TMEM154: variants seen among roughly 807,000 people sequenced by gnomAD.
TMEM154 encodes transmembrane protein 154.
TMEM154 carries 27 observed loss-of-function variants against 24.5 expected under a neutral mutation model. The observed-to-expected ratio is 1.10, with a 90% confidence interval of 0.81 to 1.52. TMEM154 has a LOEUF of 1.52. Among genes scored for constraint, TMEM154 ranks in the 40% most tolerant of loss-of-function variants. The probability of loss-of-function intolerance (pLI) is 0.00; values close to 1 mark genes in which losing one functional copy is unlikely to be tolerated. For missense variants in TMEM154, 228 were observed against 213.4 expected, an observed-to-expected ratio of 1.07 and a Z score of -0.43; for synonymous variants, 67 against 76.8, an observed-to-expected ratio of 0.87 and a Z score of 0.67.
At chr4:152,645,314 T>C (rs538040562) in intron 3 of TMEM154, among the ~76,000 whole-genome samples, 2 of 152,354 alleles carry the variant, frequency 1.3e-5, no homozygotes, top group South Asian at 4.1e-4. Flanking sequence ...GTTCAATTCA[T>C]GTCCAATATT....
At chr4:152,654,952 C>A (rs1728461400) in intron 1 of TMEM154, among the ~76,000 whole-genome samples, 1 of 151,984 alleles carries the variant, frequency 6.6e-6, no homozygotes, top group Non-Finnish European at 1.5e-5. Flanking sequence ...AAATGCAACC[C>A]CAAACCATCA....
chr4:152,662,702 A>G (rs1728636466), intron 1 of TMEM154, among the ~76,000 whole-genome samples: 1 of 152,198 alleles, frequency 6.6e-6, no homozygotes. Flanking sequence ...CACTGTGTTT[A>G]AAGAAACACT....
In TMEM154 at chr4:152,628,565, T is replaced by TAAAAAAA. The variant is rs747613909; in HGVS notation, c.537-11_537-5dup. Reference sequence around the variant, plus strand: ...TCAGGTTTAGGATTCACTGTCACTGTAAAAAAAAAAAAAAAAAAAAAAAAA... The same window carrying TAAAAAAA: ...TCAGGTTTAGGATTCACTGTCACTGTAAAAAAAAAAAAAAAAAAAAAAAAAAAAAAAA... On this transcript the variant is annotated splice_region_variant and splice_polypyrimidine_tract_variant and intron_variant, in intron 6 of 6. Transcript: ENST00000304385. The TAAAAAAA allele has an allele frequency of 1.3e-4, 68 of 518,558 alleles. 8 individuals carry two copies. The highest frequency in any genetic ancestry group is 7.7e-4 in the Admixed American group (6 of 7,746). 32.1% of individuals were successfully genotyped at this position (518,558 alleles called of 1,614,324 possible).
chr4:152,658,554 T>C (rs979702274), intron 1 of TMEM154, among the ~76,000 whole-genome samples: 2 of 151,500 alleles, frequency 1.3e-5, no homozygotes, highest in Non-Finnish European at 2.9e-5. Context: ...ATGCCTATAA[T>C]CTCAGCATTT....
chr4:152,651,639 T>G (rs765605578), intron 3 of TMEM154, among the ~76,000 whole-genome samples: 143 of 152,382 alleles, frequency 9.4e-4, no homozygotes, highest in Non-Finnish European at 1.5e-3. Context: ...TGGTTTGATC[T>G]TCTACCCAGA....
At chr4:152,655,374 A>G (rs559400961) in intron 1 of TMEM154, among the ~76,000 whole-genome samples, 2 of 152,288 alleles carry the variant, frequency 1.3e-5, no homozygotes, top group African/African-American at 4.8e-5. Context: ...CCTGAGACTA[A>G]CACTGAGAGC....
At chr4:152,679,302 C>A (rs564514891) in intron 1 of TMEM154, among the ~76,000 whole-genome samples, 36 of 150,022 alleles carry the variant, frequency 2.4e-4, no homozygotes, top group African/African-American at 7.6e-4. Context: ...GATGAAAGAC[C>A]TTACTTGATG....
Position 152,628,424 on chromosome 4 carries a change from G to A in TMEM154, c.*122C>T, listed in dbSNP as rs746923572. 8.4e-5 allele frequency: 126 copies of A among 1,497,020 alleles called. No individual in the cohort carries two copies. Among genetic ancestry groups the A allele is most frequent in the Non-Finnish European group, 1.1e-4 (117 of 1,090,068 alleles). The allele number at this position is 1,497,020 out of a possible 1,614,324, so 92.7% of individuals were successfully genotyped here. A position where few individuals can be genotyped will look rare whatever the true frequency, so the allele number is the denominator to read the frequency against. On this transcript the variant is annotated 3_prime_UTR_variant, in exon 7 of 7. Transcript: ENST00000304385. ...GTGGGCGTTGGAAGAAACAGCAAAA[G>A]GTTCTTGTGTCTATGTTGATTTGAA...
At chr4:152,658,589 C>T (rs1045442663) in intron 1 of TMEM154, among the ~76,000 whole-genome samples, 1 of 152,076 alleles carries the variant, frequency 6.6e-6, no homozygotes, top group Non-Finnish European at 1.5e-5. Context: ...AGGAGGATCA[C>T]CTGAGGTCAG....
chr4:152,628,528 C>T lies in TMEM154; in HGVS notation c.*18G>A. The T allele has an allele frequency of 9.2e-7, 1 of 1,084,636 alleles. No individual in the cohort carries two copies. The highest frequency in any genetic ancestry group is 1.3e-6 in the Non-Finnish European group (1 of 799,586). 67.2% of individuals were successfully genotyped at this position (1,084,636 alleles called of 1,614,324 possible). ...CTCAGGGGCTGCTTCTCTTGGAAAACATGAGCGCCATTCAGGTTTAGGATT... is the reference window on the plus strand; with the variant it reads ...CTCAGGGGCTGCTTCTCTTGGAAAATATGAGCGCCATTCAGGTTTAGGATT... On this transcript the variant is annotated 3_prime_UTR_variant, in exon 7 of 7. Coordinates refer to ENST00000304385, the MANE Select transcript of TMEM154 (RefSeq NM_152680.3).
At chr4:152,661,439 T>A (rs1728610967) in intron 1 of TMEM154, among the ~76,000 whole-genome samples, 1 of 152,014 alleles carries the variant, frequency 6.6e-6, no homozygotes, top group Non-Finnish European at 1.5e-5. Flanking sequence ...ACATGTGCTA[T>A]CTAATTCGAT....
chr4:152,664,234 T>C (rs974525156), intron 1 of TMEM154, among the ~76,000 whole-genome samples: 8 of 152,136 alleles, frequency 5.3e-5, no homozygotes, highest in African/African-American at 1.9e-4. Context: ...AGGACATGGA[T>C]GAAACTGGAA....
intron 1 of TMEM154, among the ~76,000 whole-genome samples, chr4:152,661,229 C>T (rs1314758598): frequency 1.3e-5 from 2 of 150,640 alleles, no homozygotes; most frequent in Non-Finnish European, 3.0e-5. Flanking sequence ...ATCATTTGCT[C>T]TCTCAGATTC....
intron 3 of TMEM154, among the ~76,000 whole-genome samples, chr4:152,648,947 A>G (rs547389730): frequency 1.8e-4 from 28 of 152,318 alleles, no homozygotes; most frequent in African/African-American, 6.7e-4. Context: ...AAGCCTCCAT[A>G]TGACCATGTT....
At chr4:152,628,804 T>C (rs1751975374) in intron 6 of TMEM154, among the ~76,000 whole-genome samples, 1 of 150,390 alleles carries the variant, frequency 6.6e-6, no homozygotes, top group Non-Finnish European at 1.5e-5. Flanking sequence ...GCCTGGCTAA[T>C]TTTTTGTATT....
chr4:152,650,958 A>G (rs1365209373), intron 3 of TMEM154, among the ~76,000 whole-genome samples: 6 of 152,340 alleles, frequency 3.9e-5, no homozygotes, highest in Middle Eastern at 3.4e-3. Flanking sequence ...AAACCATGCT[A>G]TAAACAAATG....
chr4:152,662,513 G>A (rs1728631941), intron 1 of TMEM154, among the ~76,000 whole-genome samples: 1 of 152,120 alleles, frequency 6.6e-6, no homozygotes, highest in South Asian at 2.1e-4. Context: ...GTAAGAGTTA[G>A]GAAGAAAATC....
In TMEM154 at chr4:152,622,111, C is replaced by T. The variant is rs766266771; in HGVS notation, c.*6435G>A. 1 of 152,182 alleles carries T rather than the reference C, an allele frequency of 6.6e-6. No homozygotes were observed. Among genetic ancestry groups the T allele is most frequent in the Non-Finnish European group, 1.5e-5 (1 of 68,046 alleles). 9.4% of individuals were successfully genotyped at this position (152,182 alleles called of 1,614,324 possible). On this transcript the variant is annotated 3_prime_UTR_variant, in exon 7 of 7. Coordinates refer to ENST00000304385, the MANE Select transcript of TMEM154 (RefSeq NM_152680.3). ...GGGATTACAGGCATGAGCCACCATG[C>T]CTGGCCTACTAGAAATATTTTTAAA...
At chr4:152,642,240 C>A (rs1384519112) in intron 5 of TMEM154, among the ~76,000 whole-genome samples, 1 of 151,970 alleles carries the variant, frequency 6.6e-6, no homozygotes, top group Non-Finnish European at 1.5e-5. Context: ...GTTCTTATAA[C>A]CAGTCTCTGA....
Sources: gnomAD v4.1 joint callset for allele counts (sites outside exome capture counted in the v4.1 genomes callset) on GRCh38, gnomAD v4.1.1 for gene constraint, MANE v1.5 for transcripts, NCBI Gene and HGNC (gene_info 2026-07-23, HGNC 2026-07-21) for gene names.